The following PLS3 variants were observed in gnomAD, a reference collection of about 807,000 sequenced individuals.
PLS3 encodes the protein plastin-3.
A neutral mutation model predicts 46.5 loss-of-function variants in PLS3; 11 were observed. That is an observed-to-expected ratio of 0.24 (90% CI 0.15 to 0.39). The LOEUF is 0.39. Among genes scored for constraint, PLS3 ranks in the 10% least tolerant of loss-of-function variants. The pLI, the probability that PLS3 is intolerant of heterozygous loss-of-function variation, is 1.00. For missense variants in PLS3, 308 were observed against 461.8 expected (o/e 0.67, Z 3.05); for synonymous variants, 167 against 162.2 (o/e 1.03, Z -0.22).
chrX:115,594,181 T>A (rs1556633495), intron 1 of PLS3, among the ~76,000 whole-genome samples: 2 of 111,963 alleles, frequency 1.8e-5, no homozygotes, highest in Non-Finnish European at 3.8e-5. Flanking sequence ...ATAATAAACA[T>A]CACTGGTGAT....
chrX:115,650,841 G>A lies in PLS3; in HGVS notation c.*1280G>A, dbSNP rs1556642435. 1 of 111,453 alleles carries A rather than the reference G, an allele frequency of 9.0e-6. No homozygotes were observed. Among genetic ancestry groups the A allele is most frequent in the African/African-American group, 3.3e-5 (1 of 30,692 alleles). The allele number at this position is 111,453 out of a possible 1,213,427, so 9.2% of individuals were successfully genotyped here. A position where few individuals can be genotyped will look rare whatever the true frequency, so the allele number is the denominator to read the frequency against. On this transcript the variant is annotated 3_prime_UTR_variant, in exon 16 of 16. Transcript: ENST00000355899. ...AGGACAGTACAAATGAAGTAAAAAG[G>A]TTTTCTCCAATTTACCAAAATTTCT...
chrX:115,633,424 G>A (rs2074798593), intron 5 of PLS3, among the ~76,000 whole-genome samples: 1 of 111,463 alleles, frequency 9.0e-6, no homozygotes, highest in African/African-American at 3.3e-5. Flanking sequence ...ACCTGCCTTG[G>A]CCTCCCAAAG....
intron 1 of PLS3, among the ~76,000 whole-genome samples, chrX:115,591,478 A>C (rs1230800767): frequency 8.9e-6 from 1 of 111,943 alleles, no homozygotes; most frequent in African/African-American, 3.2e-5. Flanking sequence ...AAAATGAAGA[A>C]TTACATATTT....
At chrX:115,609,670 T>G (rs1223544590) in intron 1 of PLS3, among the ~76,000 whole-genome samples, 1 of 112,426 alleles carries the variant, frequency 8.9e-6, no homozygotes, top group African/African-American at 3.2e-5. Flanking sequence ...AAAGGGTGTA[T>G]ACTCAGATAA....
At chrX:115,562,074 C>T (rs907963330) in intron 1 of PLS3, among the ~76,000 whole-genome samples, 1 of 110,490 alleles carries the variant, frequency 9.1e-6, no homozygotes, top group Non-Finnish European at 1.9e-5. Flanking sequence ...AGTCCCGGAC[C>T]TCTCCCGACT....
Position 115,650,725 on chromosome X carries a change from G to A in PLS3, c.*1164G>A, listed in dbSNP as rs2074993619. 1 of 111,818 alleles carries A rather than the reference G, an allele frequency of 8.9e-6. No homozygotes were observed. Among genetic ancestry groups the A allele is most frequent in the Non-Finnish European group, 1.9e-5 (1 of 53,119 alleles). The allele number at this position is 111,818 out of a possible 1,213,427, so 9.2% of individuals were successfully genotyped here. ...TTAGGAAGTATGCCAATGTTTGTCA[G>A]GATTTTTTTCTTTTTGTTTTTCTGA... On this transcript the variant is annotated 3_prime_UTR_variant, in exon 16 of 16. Transcript: ENST00000355899.
intron 1 of PLS3, among the ~76,000 whole-genome samples, chrX:115,606,093 G>A (rs114233513): frequency 0.037 from 3,810 of 103,327 alleles, 196 homozygotes; most frequent in African/African-American, 0.13. Flanking sequence ...GGGGGCGGGG[G>A]GCAGGAATGG....
intron 1 of PLS3, among the ~76,000 whole-genome samples, chrX:115,596,960 C>T: frequency 9.1e-6 from 1 of 109,492 alleles, no homozygotes; most frequent in South Asian, 4.1e-4. Flanking sequence ...GCCTGATCAA[C>T]CTGGTGAAAC....
chrX:115,598,292 CAAA>C (rs782523501), intron 1 of PLS3, among the ~76,000 whole-genome samples: 1 of 65,447 alleles, frequency 1.5e-5, no homozygotes, highest in African/African-American at 5.3e-5. Flanking sequence ...GATTCTATTT[CAAA>C]AAAAAAAAAA....
intron 1 of PLS3, among the ~76,000 whole-genome samples, chrX:115,576,550 T>C (rs1301045298): frequency 2.7e-5 from 3 of 111,676 alleles, no homozygotes; most frequent in African/African-American, 9.8e-5. Flanking sequence ...CTCAAAAAAA[T>C]AAAATAAAAT....
intron 5 of PLS3, among the ~76,000 whole-genome samples, chrX:115,632,011 C>T (rs1266441567): frequency 9.1e-6 from 1 of 109,625 alleles, no homozygotes. Flanking sequence ...ACCATGTTGG[C>T]TAGGCTGGTC....
intron 1 of PLS3, among the ~76,000 whole-genome samples, chrX:115,604,341 A>G (rs782046373): frequency 6.3e-5 from 7 of 111,608 alleles, no homozygotes; most frequent in East Asian, 5.6e-4. Flanking sequence ...TTTATTCCCT[A>G]TTTTCTTTCA....
chrX:115,627,414 A>G (rs1316100905), intron 3 of PLS3, among the ~76,000 whole-genome samples: 1 of 111,895 alleles, frequency 8.9e-6, no homozygotes, highest in African/African-American at 3.2e-5. Flanking sequence ...GCATGAAGAA[A>G]TGCACACCTT....
In PLS3 at chrX:115,602,127, T is replaced by G. The variant is rs782460649; in HGVS notation, c.-8-8116T>G. Among the ~76,000 whole-genome samples the G allele has an allele frequency of 7.2e-5, 8 of 111,780 alleles. No individual in the cohort carries two copies. The East Asian group carries it at 2.3e-3, about 32-fold the overall frequency. ...CAAGCCTCACCTCGGAAAAAACTTT[T>G]CTGACGCCTACCATTTAGTATATAT... On this transcript the variant is annotated intron_variant, in intron 1 of 15. Coordinates refer to ENST00000355899, the MANE Select transcript of PLS3 (RefSeq NM_005032.7).
intron 1 of PLS3, among the ~76,000 whole-genome samples, chrX:115,583,840 G>T (rs1214731816): frequency 3.6e-5 from 4 of 111,971 alleles, no homozygotes; most frequent in Non-Finnish European, 7.5e-5. Flanking sequence ...GTGATGTTTT[G>T]ACTCTTGACA....
intron 1 of PLS3, among the ~76,000 whole-genome samples, chrX:115,594,477 A>G (rs894594159): frequency 2.7e-4 from 30 of 112,097 alleles, no homozygotes; most frequent in African/African-American, 9.7e-4. Flanking sequence ...AGCAAGGTAT[A>G]TAACACTGCA....
At chrX:115,610,216 T>A (rs1603233003) in intron 1 of PLS3, 27 bp from the exon 2 acceptor site, 2 of 840,400 alleles carry the variant, frequency 2.4e-6, no homozygotes. Flanking sequence ...TTTTTTAAAG[T>A]CTGAAACGTT....
chrX:115,581,032 G>A (rs1396761862), intron 1 of PLS3, among the ~76,000 whole-genome samples: 2 of 111,028 alleles, frequency 1.8e-5, no homozygotes, highest in African/African-American at 6.5e-5. Context: ...CACCATGCCC[G>A]GCCAGCAGTT....
rs782684304 is a variant in PLS3, at chrX:115,610,407, G to A, written c.73+84G>A. ...TTTCTCTATAAATATCACATGAATG[G>A]TTAATCAAAAACATTAGGGCAAGAT... On this transcript the variant is annotated intron_variant, in intron 2 of 15. Coordinates refer to ENST00000355899, the MANE Select transcript of PLS3 (RefSeq NM_005032.7). 73 of 468,269 alleles carry A rather than the reference G, an allele frequency of 1.6e-4. No individual in the cohort carries two copies. In the African/African-American group the frequency reaches 1.8e-3, roughly 11 times the overall value. 38.6% of individuals were successfully genotyped at this position (468,269 alleles called of 1,213,427 possible). A position where few individuals can be genotyped will look rare whatever the true frequency, so the allele number is the denominator to read the frequency against.
Sources: allele counts gnomAD v4.1 joint callset (sites outside exome capture counted in the v4.1 genomes callset), GRCh38; gene constraint gnomAD v4.1.1; transcripts MANE v1.5; gene names NCBI Gene and HGNC (gene_info 2026-07-23, HGNC 2026-07-21).